The following BCL7B variants were observed in gnomAD, a reference collection of about 807,000 sequenced individuals.
The protein encoded by BCL7B is BAF chromatin remodeling complex subunit BCL7B.
BCL7B carries 11 observed loss-of-function variants against 26.5 expected under a neutral mutation model. The observed-to-expected ratio is 0.42, with a 90% CI of 0.26 to 0.69. The LOEUF (loss-of-function observed/expected upper bound fraction) is 0.69, where lower values mean the gene tolerates loss of function less well. BCL7B is among the 30% of genes least tolerant of loss of function. The probability of loss-of-function intolerance (pLI) is 0.28; values close to 1 mark genes in which losing one functional copy is unlikely to be tolerated. For missense variants in BCL7B, 215 were observed against 264.4 expected (o/e 0.81, Z 1.30); for synonymous variants, 111 against 107.9 (o/e 1.03, Z -0.18).
At chr7:73,554,191 G>C (rs1792280385) in intron 1 of BCL7B, among the ~76,000 whole-genome samples, 2 of 151,752 alleles carry the variant, frequency 1.3e-5, no homozygotes, top group African/African-American at 4.8e-5. Context: ...TTGAACTCCT[G>C]GGCTCAAGCG....
At chr7:73,548,934 A>C (rs553511777) in intron 2 of BCL7B, among the ~76,000 whole-genome samples, 12 of 152,106 alleles carry the variant, frequency 7.9e-5, no homozygotes, top group South Asian at 6.2e-4. Context: ...CCGTCTCAAA[A>C]AAACAAACAA....
chr7:73,551,467 C>CT (rs1290178808), intron 2 of BCL7B, among the ~76,000 whole-genome samples: 1 of 151,966 alleles, frequency 6.6e-6, no homozygotes, highest in Non-Finnish European at 1.5e-5. Flanking sequence ...GGCCTAGCTA[C>CT]TTTTTTTGTA....
intron 3 of BCL7B, among the ~76,000 whole-genome samples, chr7:73,541,221 G>A (rs1554582844): frequency 6.6e-6 from 1 of 152,008 alleles, no homozygotes; most frequent in Non-Finnish European, 1.5e-5. Context: ...TGCACCTACA[G>A]TAGCCAGTCA....
chr7:73,546,008 T>TGTA (rs1791940802), intron 2 of BCL7B, among the ~76,000 whole-genome samples: 1 of 151,712 alleles, frequency 6.6e-6, no homozygotes, highest in South Asian at 2.1e-4. Context: ...GGCGGGTGCC[T>TGTA]GTAGTCCCAG....
In BCL7B at chr7:73,536,926, C is replaced by T. The variant is rs371070414; in HGVS notation, c.*372G>A. 3.8e-5 allele frequency: 7 copies of T among 182,218 alleles called. No individual in the cohort carries two copies. The East Asian group carries it at 4.2e-4, about 11-fold the overall frequency. The allele number at this position is 182,218 out of a possible 1,614,324, so 11.3% of individuals were successfully genotyped here. A position where few individuals can be genotyped will look rare whatever the true frequency, so the allele number is the denominator to read the frequency against. On this transcript the variant is annotated 3_prime_UTR_variant, in exon 6 of 6. Coordinates refer to ENST00000223368, the MANE Select transcript of BCL7B (RefSeq NM_001707.4). Reference sequence around the variant, plus strand: ...GTTCAAGTTCAAGTAACCTGAGGCACGCTCTCTTCTAGAAGGTGCCTTCCA... The same window carrying T: ...GTTCAAGTTCAAGTAACCTGAGGCATGCTCTCTTCTAGAAGGTGCCTTCCA...
intron 2 of BCL7B, chr7:73,543,878 G>A: frequency 2.1e-6 from 1 of 467,748 alleles, no homozygotes; most frequent in Non-Finnish European, 3.9e-6. Context: ...ATAAGCAACA[G>A]GCAGATACAT....
intron 1 of BCL7B, chr7:73,557,104 C>T (rs1792388655): frequency 1.1e-5 from 11 of 992,990 alleles, no homozygotes; most frequent in Non-Finnish European, 1.3e-5. Flanking sequence ...TCCAGGGCTA[C>T]TCGCTATTAT....
intron 3 of BCL7B, among the ~76,000 whole-genome samples, chr7:73,541,673 G>C (rs1430166022): frequency 6.6e-6 from 1 of 151,884 alleles, no homozygotes; most frequent in Non-Finnish European, 1.5e-5. Context: ...CACCATGTTG[G>C]TCAGGCTGGT....
At position 73,557,681 on chromosome 7, in the gene BCL7B, C is replaced by A. The variant is rs1383965173; in HGVS notation, c.-103G>T. Reference sequence around the variant, plus strand: ...GCCCGCCGCCGCCGCAGCGTCACAGCGGCCGTCGCCCCCTCCGTGCGCGCG... The same window carrying A: ...GCCCGCCGCCGCCGCAGCGTCACAGAGGCCGTCGCCCCCTCCGTGCGCGCG... On this transcript the variant is annotated 5_prime_UTR_variant, in exon 1 of 6. Coordinates refer to ENST00000223368, the MANE Select transcript of BCL7B (RefSeq NM_001707.4). 45 of 607,390 alleles carry A rather than the reference C, an allele frequency of 7.4e-5. 1 individual carries two copies. Among genetic ancestry groups the A allele is most frequent in the Non-Finnish European group, 7.9e-5 (37 of 468,684 alleles). The allele number at this position is 607,390 out of a possible 1,614,324, so 37.6% of individuals were successfully genotyped here. A position where few individuals can be genotyped will look rare whatever the true frequency, so the allele number is the denominator to read the frequency against.
At chr7:73,546,695 G>A (rs1554583515) in intron 2 of BCL7B, among the ~76,000 whole-genome samples, 2 of 151,040 alleles carry the variant, frequency 1.3e-5, no homozygotes, top group Non-Finnish European at 2.9e-5. Context: ...TTTTGAGGAA[G>A]AACCAATTGA....
rs782529625 is a variant in BCL7B, at chr7:73,552,280, G to A, written c.93-38C>T. On this transcript the variant is annotated intron_variant, in intron 1 of 5. Coordinates refer to ENST00000223368, the MANE Select transcript of BCL7B (RefSeq NM_001707.4). ...CACTTCTTAGAACGGATAAAACAAT[G>A]CAATGTGTTTTCTGTTCATCACTTG... 7 of 1,507,078 alleles carry A rather than the reference G, an allele frequency of 4.6e-6. No individual in the cohort carries two copies. In the African/African-American group the frequency reaches 9.7e-5, roughly 21 times the overall value. 93.4% of individuals were successfully genotyped at this position (1,507,078 alleles called of 1,614,324 possible). A position where few individuals can be genotyped will look rare whatever the true frequency, so the allele number is the denominator to read the frequency against.
chr7:73,557,534 CT>C lies in BCL7B; in HGVS notation c.44del (p.Lys15ArgfsTer7). On this transcript the variant is annotated frameshift_variant, in exon 1 of 6. Transcript: ENST00000223368. LOFTEE classifies it high-confidence loss of function. ...SVRAETRSRA[K>X]DDIKKVMAAI... ...CCGCCATCACCTTCTTGATGTCGTC[CT>C]TGGCCCGGCTGCGGGTCTCCGCCCG... 6.9e-7 allele frequency: 1 copy of C among 1,442,786 alleles called. No individual in the cohort carries two copies. The allele number at this position is 1,442,786 out of a possible 1,614,324, so 89.4% of individuals were successfully genotyped here.
chr7:73,540,271 T>A (rs1554582682), intron 3 of BCL7B: 1 of 538,742 alleles, frequency 1.9e-6, no homozygotes, highest in African/African-American at 1.9e-5. Flanking sequence ...GGTCAGGATA[T>A]GCTTATTAAA....
chr7:73,550,042 C>A (rs1792098994), intron 2 of BCL7B, among the ~76,000 whole-genome samples: 1 of 152,086 alleles, frequency 6.6e-6, no homozygotes, highest in African/African-American at 2.4e-5. Context: ...TTTATTCATA[C>A]ACTGTACATT....
Position 73,537,954 on chromosome 7 carries a change from G to C in BCL7B, c.496C>G (p.Pro166Ala). The C allele has an allele frequency of 6.2e-7, 1 of 1,600,164 alleles. No homozygotes were observed. The highest frequency in any genetic ancestry group is 8.5e-7 in the Non-Finnish European group (1 of 1,174,542). The change falls in exon 5 of 6, where the codon CCA (proline) becomes GCA (alanine). Residue 166 changes from proline (P) to alanine (A), a missense_variant. Physicochemically the swap from Pro to Ala is conservative, Grantham distance 27. Transcript: ENST00000223368. ...CTTACCTGTGTCTCTAGTGGAACTGGTTCTTCCTTGGTGAGGGTAGGAGGT... is the reference window on the plus strand; with the variant it reads ...CTTACCTGTGTCTCTAGTGGAACTGCTTCTTCCTTGGTGAGGGTAGGAGGT... ...DEPPTLTKEE[P>A]VPLETQVVEE... is the part of the protein sequence containing the mutation.
intron 1 of BCL7B, among the ~76,000 whole-genome samples, chr7:73,555,756 A>AT (rs1363684996): frequency 2.0e-5 from 3 of 152,110 alleles, no homozygotes; most frequent in African/African-American, 7.2e-5. Context: ...CATTTTATAT[A>AT]TTTTTTTACA....
chr7:73,556,024 G>A (rs1792346767), intron 1 of BCL7B, among the ~76,000 whole-genome samples: 4 of 152,160 alleles, frequency 2.6e-5, no homozygotes, highest in Admixed American at 2.0e-4. Flanking sequence ...GACAGGGGAT[G>A]GCCCTTCAGC....
intron 4 of BCL7B, among the ~76,000 whole-genome samples, chr7:73,539,179 C>CT (rs1187916438): frequency 5.3e-5 from 8 of 151,282 alleles, no homozygotes; most frequent in African/African-American, 1.9e-4. Context: ...AGGCTGGTCT[C>CT]TAACTCTTGA....
chr7:73,557,431 C>T, intron 1 of BCL7B, 56 bp downstream of exon 1: 1 of 1,252,352 alleles, frequency 8.0e-7, no homozygotes. Flanking sequence ...CAGTCCCACG[C>T]TCCTCAGGGC....
Sources: gnomAD v4.1 joint callset for allele counts (sites outside exome capture counted in the v4.1 genomes callset) on GRCh38, gnomAD v4.1.1 for gene constraint, MANE v1.5 for transcripts, NCBI Gene and HGNC (gene_info 2026-07-23, HGNC 2026-07-21) for gene names.